Variants in SMURF1 observed in about 807,000 individuals in gnomAD.
SMURF1 encodes E3 ubiquitin-protein ligase SMURF1.
SMURF1 carries 44 observed loss-of-function variants against 98.0 expected under a neutral mutation model. That is an observed-to-expected ratio of 0.45 (90% confidence interval 0.35 to 0.58). SMURF1 has a LOEUF of 0.58. Among genes scored for constraint, SMURF1 ranks in the 20% least tolerant of loss-of-function variants. SMURF1 has a pLI of 0.00. For synonymous variants in SMURF1, 396 were observed against 374.9 expected, an observed-to-expected ratio of 1.06 and a Z score of -0.65; for missense variants, 687 against 938.4, an observed-to-expected ratio of 0.73 and a Z score of 3.50.
At chr7:99,142,102 T>A (rs1798131631) in intron 1 of SMURF1, among the ~76,000 whole-genome samples, 1 of 152,204 alleles carries the variant, frequency 6.6e-6, no homozygotes, top group Non-Finnish European at 1.5e-5. Flanking sequence ...CCAGAACCTC[T>A]GGAGCCCGGG....
chr7:99,103,283 T>C (rs1306011037), intron 1 of SMURF1, among the ~76,000 whole-genome samples: 2 of 152,200 alleles, frequency 1.3e-5, no homozygotes, highest in Non-Finnish European at 2.9e-5. Flanking sequence ...CCTGTGTTCA[T>C]ACACATGTGG....
intron 1 of SMURF1, among the ~76,000 whole-genome samples, chr7:99,090,599 A>C (rs1796786485): frequency 2.6e-5 from 4 of 152,200 alleles, no homozygotes. Context: ...TCTGTTCTGA[A>C]ATATTAAATC....
intron 1 of SMURF1, among the ~76,000 whole-genome samples, chr7:99,083,753 G>T (rs1404527736): frequency 6.6e-6 from 1 of 152,158 alleles, no homozygotes. Flanking sequence ...AGTTTCTCTT[G>T]ATCTACTTTG....
At chr7:99,037,247 T>A (rs541273274) in intron 14 of SMURF1, 60 bp from the exon 15 acceptor site, 3 of 1,598,904 alleles carry the variant, frequency 1.9e-6, no homozygotes, top group Non-Finnish European at 2.6e-6. Flanking sequence ...CATGGGCAGG[T>A]TTTTTTTGGA....
chr7:99,132,670 AGAG>A (rs1302620243), intron 1 of SMURF1, among the ~76,000 whole-genome samples: 1 of 150,266 alleles, frequency 6.7e-6, no homozygotes, highest in Non-Finnish European at 1.5e-5. Context: ...GTCAAGAGGA[AGAG>A]TATTATAACA....
chr7:99,047,612 T>G, intron 10 of SMURF1, 72 bp downstream of exon 10: 11 of 1,498,718 alleles, frequency 7.3e-6, no homozygotes, highest in Middle Eastern at 1.7e-4. Context: ...ACAATCGCAT[T>G]TGAGATTCCT....
At chr7:99,133,741 A>G (rs1175395071) in intron 1 of SMURF1, among the ~76,000 whole-genome samples, 2 of 152,254 alleles carry the variant, frequency 1.3e-5, no homozygotes, top group Non-Finnish European at 2.9e-5. Context: ...CTTAAAAGCC[A>G]AAACTAGAAA....
chr7:99,066,170 A>G (rs932911935), intron 1 of SMURF1, among the ~76,000 whole-genome samples: 1 of 152,058 alleles, frequency 6.6e-6, no homozygotes, highest in Non-Finnish European at 1.5e-5. Context: ...TGATGAACTG[A>G]CCGTTTCAAG....
At chr7:99,067,910 C>T (rs1220026914) in intron 1 of SMURF1, among the ~76,000 whole-genome samples, 3 of 152,080 alleles carry the variant, frequency 2.0e-5, no homozygotes, top group East Asian at 3.9e-4. Context: ...GCCAAGATCA[C>T]GCCACTGCAC....
At chr7:99,122,273 A>AGCCGAGATCGGGCC (rs1205142014) in intron 1 of SMURF1, among the ~76,000 whole-genome samples, 35 of 151,402 alleles carry the variant, frequency 2.3e-4, no homozygotes, top group African/African-American at 8.3e-4. Context: ...GGTTGCAGTA[A>AGCCGAGATCGGGCC]GCCGAGATCG....
chr7:99,047,846 C>G lies in SMURF1; in HGVS notation c.990G>C (p.Leu330=). The change falls in exon 10 of 18, where the codon CTG becomes CTC. Residue 330 remains leucine, a synonymous_variant. Coordinates refer to ENST00000361368, the MANE Select transcript of SMURF1 (RefSeq NM_181349.3). ...CCAGAGAGCCCTCACTGGGCAGTGG[C>G]AGCGGCTGGCTGGGCTCCTTGAGTT... ...QCQLKEPSQP[L]PLPSEGSLED... 6.2e-7 allele frequency: 1 copy of G among 1,614,166 alleles called. No individual in the cohort carries two copies. The highest frequency in any genetic ancestry group is 1.3e-5 in the African/African-American group (1 of 75,066).
intron 1 of SMURF1, among the ~76,000 whole-genome samples, chr7:99,063,788 T>G (rs1343544899): frequency 6.6e-6 from 1 of 151,146 alleles, no homozygotes; most frequent in Non-Finnish European, 1.5e-5. Flanking sequence ...CTTTTTTTTT[T>G]TTTTCAGAGA....
chr7:99,033,251 G>A, intron 16 of SMURF1, 130 bp from the exon 17 acceptor site: 1 of 826,754 alleles, frequency 1.2e-6, no homozygotes, highest in African/African-American at 1.7e-5. Flanking sequence ...TCCTGTGAGA[G>A]GGCCATGAGG....
chr7:99,118,739 T>C (rs1468313942), intron 1 of SMURF1, among the ~76,000 whole-genome samples: 1 of 152,210 alleles, frequency 6.6e-6, no homozygotes. Flanking sequence ...ACACTGGGAA[T>C]GTACTAAGAG....
chr7:99,056,992 CA>C (rs76600092), intron 5 of SMURF1, among the ~76,000 whole-genome samples: 1,999 of 108,692 alleles, frequency 0.018, 21 homozygotes, highest in Non-Finnish European at 0.029. Context: ...AAAAAAAAAC[CA>C]AAAAAAAAAA....
intron 15 of SMURF1, chr7:99,036,513 C>G (rs1795148878): frequency 6.5e-6 from 1 of 154,412 alleles, no homozygotes; most frequent in Admixed American, 6.4e-5. Context: ...AAAGTTCACC[C>G]CAGAACTACT....
At chr7:99,057,984 G>C (rs1473766979) in intron 3 of SMURF1, among the ~76,000 whole-genome samples, 1 of 152,104 alleles carries the variant, frequency 6.6e-6, no homozygotes, top group Non-Finnish European at 1.5e-5. Flanking sequence ...TATTACACAT[G>C]TAACAGGCAT....
chr7:99,045,856 T>A (rs180930634), intron 10 of SMURF1, 55 bp from the exon 11 acceptor site: 1 of 1,407,266 alleles, frequency 7.1e-7, no homozygotes, highest in Non-Finnish European at 1.0e-6. Context: ...CTTAAAGTTA[T>A]GAAAGGTCAT....
At chr7:99,103,272 G>T (rs188127320) in intron 1 of SMURF1, among the ~76,000 whole-genome samples, 17 of 152,076 alleles carry the variant, frequency 1.1e-4, no homozygotes, top group Non-Finnish European at 2.1e-4. Flanking sequence ...GTATACATAC[G>T]CCTGTGTTCA....
Sources: allele counts gnomAD v4.1 joint callset (sites outside exome capture counted in the v4.1 genomes callset), GRCh38; gene constraint gnomAD v4.1.1; transcripts MANE v1.5; gene names NCBI Gene and HGNC (gene_info 2026-07-23, HGNC 2026-07-21).